PLA2G4A: variants seen among roughly 807,000 people sequenced by gnomAD.
PLA2G4A encodes phospholipase A2 group IVA.
In PLA2G4A, 40 loss-of-function variants were observed where a neutral mutation model predicts 81.9. That is an observed-to-expected ratio of 0.49 (90% CI 0.38 to 0.64). The LOEUF is 0.64. Among genes scored for constraint, PLA2G4A ranks in the 30% least tolerant of loss-of-function variants. PLA2G4A has a pLI of 0.00. For missense variants in PLA2G4A, 715 were observed against 905.1 expected, an observed-to-expected ratio of 0.79 and a Z score of 2.69; for synonymous variants, 302 against 296.9, an observed-to-expected ratio of 1.02 and a Z score of -0.18.
intron 13 of PLA2G4A, among the ~76,000 whole-genome samples, chr1:186,952,647 T>G (rs1410037925): frequency 2.0e-5 from 3 of 152,164 alleles, no homozygotes; most frequent in African/African-American, 7.2e-5. Flanking sequence ...TAATGACATA[T>G]ATTCATCATT....
rs1654514614 is a variant in PLA2G4A at position 186,900,910 on chromosome 1, G to A, written c.379-6055G>A. On this transcript the variant is annotated intron_variant, in intron 5 of 17. Transcript: ENST00000367466. ...GGCATCTATCTGATTTTGGCTGATT[G>A]CTTTCTTTGATTGTTGCTTATTCAT... Among the ~76,000 whole-genome samples the A allele has an allele frequency of 2.0e-5, 3 of 152,120 alleles. No individual in the cohort carries two copies. The South Asian group carries it at 6.2e-4, about 32-fold the overall frequency.
At position 186,968,079 on chromosome 1, in the gene PLA2G4A, G is replaced by A. The variant is rs142614627; in HGVS notation, c.1764+2486G>A. Reference sequence around the variant, plus strand: ...GGGTTTCAGTGGATGACTCTAAGATGATAGCTTAGAAGCTGGTCTAGTGGT... The same window carrying A: ...GGGTTTCAGTGGATGACTCTAAGATAATAGCTTAGAAGCTGGTCTAGTGGT... On this transcript the variant is annotated intron_variant, in intron 15 of 17. Transcript: ENST00000367466. Among the ~76,000 whole-genome samples, 649 of 152,194 alleles carry A rather than the reference G, an allele frequency of 4.3e-3. 2 individuals are homozygous for A. Among genetic ancestry groups the A allele is most frequent in the Middle Eastern group, 0.02 (6 of 294 alleles).
intron 5 of PLA2G4A, among the ~76,000 whole-genome samples, chr1:186,895,713 T>C (rs1654311837): frequency 6.6e-6 from 1 of 152,134 alleles, no homozygotes; most frequent in East Asian, 1.9e-4. Flanking sequence ...AGAACGATTG[T>C]GTTGTGAGAG....
Position 186,988,648 on chromosome 1 carries a change from G to T in PLA2G4A, c.*140G>T. On this transcript the variant is annotated 3_prime_UTR_variant, in exon 18 of 18. Transcript: ENST00000367466. Reference sequence around the variant, plus strand: ...TACTCAAAGTTGCAGTTACTTAGCTGCATGAGAATAATACTATTATAAGTT... The same window carrying T: ...TACTCAAAGTTGCAGTTACTTAGCTTCATGAGAATAATACTATTATAAGTT... The T allele has an allele frequency of 1.4e-6, 1 of 711,522 alleles. No individual in the cohort carries two copies. Among genetic ancestry groups the T allele is most frequent in the Non-Finnish European group, 2.5e-6 (1 of 392,900 alleles). 44.1% of individuals were successfully genotyped at this position (711,522 alleles called of 1,614,324 possible).
intron 3 of PLA2G4A, among the ~76,000 whole-genome samples, chr1:186,887,095 ACT>A (rs904134183): frequency 1.3e-5 from 2 of 152,122 alleles, no homozygotes; most frequent in African/African-American, 4.8e-5. Context: ...TTGGGGAAAC[ACT>A]GTTTTAAGCT....
chr1:186,983,929 G>A (rs1657810345), intron 17 of PLA2G4A, among the ~76,000 whole-genome samples: 2 of 151,998 alleles, frequency 1.3e-5, no homozygotes. Context: ...ATCAGGATGG[G>A]GATTAAGTAG....
intron 7 of PLA2G4A, among the ~76,000 whole-genome samples, chr1:186,931,926 C>T (rs1159880814): frequency 6.6e-6 from 1 of 152,198 alleles, no homozygotes; most frequent in Non-Finnish European, 1.5e-5. Context: ...CCACCTTCCT[C>T]TCTTTTACTG....
intron 2 of PLA2G4A, among the ~76,000 whole-genome samples, chr1:186,869,870 A>G (rs1653189114): frequency 6.6e-6 from 1 of 152,140 alleles, no homozygotes; most frequent in Admixed American, 6.5e-5. Context: ...TTAATGTTTT[A>G]TTATGTTTAT....
intron 1 of PLA2G4A, among the ~76,000 whole-genome samples, chr1:186,838,514 A>G (rs1250345299): frequency 6.6e-6 from 1 of 152,128 alleles, no homozygotes; most frequent in Non-Finnish European, 1.5e-5. Flanking sequence ...GTAGGTGGGA[A>G]TTTAGCCTTT....
chr1:186,926,777 T>C (rs1184951574), intron 7 of PLA2G4A, among the ~76,000 whole-genome samples: 3 of 152,224 alleles, frequency 2.0e-5, no homozygotes, highest in Admixed American at 2.0e-4. Context: ...TAATGTCTCC[T>C]GTTGTGGCAA....
chr1:186,888,671 C>G (rs577603262), intron 3 of PLA2G4A, among the ~76,000 whole-genome samples: 37 of 152,260 alleles, frequency 2.4e-4, no homozygotes, highest in African/African-American at 8.2e-4. Context: ...GTTTGGCTCC[C>G]TATCAAGGCT....
intron 1 of PLA2G4A, among the ~76,000 whole-genome samples, chr1:186,841,457 C>T (rs1466065788): frequency 2.6e-5 from 4 of 151,994 alleles, no homozygotes; most frequent in Non-Finnish European, 5.9e-5. Context: ...AGGGAGGATG[C>T]CAGTAGGGTA....
chr1:186,927,233 G>A (rs954285424), intron 7 of PLA2G4A, among the ~76,000 whole-genome samples: 22 of 152,068 alleles, frequency 1.4e-4, no homozygotes, highest in Admixed American at 6.6e-4. Flanking sequence ...TGTTGCTCTG[G>A]AATTCAAATC....
At chr1:186,857,329 A>T (rs1319491603) in intron 2 of PLA2G4A, among the ~76,000 whole-genome samples, 5 of 119,752 alleles carry the variant, frequency 4.2e-5, no homozygotes, top group Non-Finnish European at 8.2e-5. Flanking sequence ...ATATAATATA[A>T]ATATAATATT....
chr1:186,909,258 G>A (rs941679396), intron 6 of PLA2G4A, among the ~76,000 whole-genome samples: 12 of 150,990 alleles, frequency 7.9e-5, no homozygotes, highest in African/African-American at 2.9e-4. Flanking sequence ...ACAGGCATGA[G>A]CCACCGCGCC....
chr1:186,985,578 A>G (rs1056148864), intron 17 of PLA2G4A, among the ~76,000 whole-genome samples: 13 of 152,082 alleles, frequency 8.5e-5, no homozygotes, highest in Non-Finnish European at 1.5e-4. Context: ...ATTTGTTTGT[A>G]GATTGCTTAT....
chr1:186,937,747 A>G (rs1656006028), intron 8 of PLA2G4A, among the ~76,000 whole-genome samples: 1 of 151,430 alleles, frequency 6.6e-6, no homozygotes, highest in South Asian at 2.1e-4. Context: ...AAAATAGCCT[A>G]CTGGGGAGAG....
intron 7 of PLA2G4A, among the ~76,000 whole-genome samples, chr1:186,918,246 G>A (rs1342335475): frequency 6.6e-6 from 1 of 152,194 alleles, no homozygotes; most frequent in African/African-American, 2.4e-5. Context: ...CTGAGGTGGA[G>A]GCTCGCTGGT....
chr1:186,984,487 CT>C (rs1657830213), intron 17 of PLA2G4A, among the ~76,000 whole-genome samples: 2 of 152,042 alleles, frequency 1.3e-5, no homozygotes, highest in East Asian at 1.9e-4. Flanking sequence ...GAGCTTTTTT[CT>C]TTCTTAAATA....
Sources: gnomAD v4.1 joint callset for allele counts (sites outside exome capture counted in the v4.1 genomes callset) on GRCh38, gnomAD v4.1.1 for gene constraint, MANE v1.5 for transcripts, NCBI Gene and HGNC (gene_info 2026-07-23, HGNC 2026-07-21) for gene names.